The following LRFN2 variants were observed in gnomAD, a reference collection of about 807,000 sequenced individuals.
LRFN2 encodes the protein leucine-rich repeat and fibronectin type-III domain-containing protein 2.
A neutral mutation model predicts 37.3 loss-of-function variants in LRFN2; 18 were observed. That is an observed-to-expected ratio of 0.48 (90% CI 0.33 to 0.72). The LOEUF (loss-of-function observed/expected upper bound fraction) is 0.72. LRFN2 is among the 30% of genes least tolerant of loss of function. The pLI, the probability that LRFN2 is intolerant of heterozygous loss-of-function variation, is 0.02. For missense variants in LRFN2, 1,006 were observed against 1,060.7 expected (o/e 0.95, Z 0.72); for synonymous variants, 556 against 466.6 (o/e 1.19, Z -2.47).
intron 2 of LRFN2, among the ~76,000 whole-genome samples, chr6:40,407,370 C>A (rs952362292): frequency 1.3e-5 from 2 of 152,194 alleles, no homozygotes; most frequent in African/African-American, 4.8e-5. Context: ...TGCCCCCGAC[C>A]AGATGTGTGA....
intron 1 of LRFN2, among the ~76,000 whole-genome samples, chr6:40,575,753 G>C (rs1423483387): frequency 6.6e-6 from 1 of 151,726 alleles, no homozygotes; most frequent in Non-Finnish European, 1.5e-5. Flanking sequence ...GCACGTGACA[G>C]CATGCATCCT....
chr6:40,515,796 G>T (rs1227932186), intron 1 of LRFN2, among the ~76,000 whole-genome samples: 1 of 151,258 alleles, frequency 6.6e-6, no homozygotes, highest in East Asian at 1.9e-4. Flanking sequence ...GGGAGGCTGA[G>T]GCAGGGAAAT....
intron 1 of LRFN2, among the ~76,000 whole-genome samples, chr6:40,485,004 G>A (rs1198051288): frequency 3.3e-5 from 5 of 152,148 alleles, no homozygotes; most frequent in African/African-American, 1.2e-4. Context: ...CCCCAAAAAA[G>A]GATTTGAGGC....
At chr6:40,549,310 C>T (rs1419095100) in intron 1 of LRFN2, among the ~76,000 whole-genome samples, 1 of 152,096 alleles carries the variant, frequency 6.6e-6, no homozygotes, top group East Asian at 1.9e-4. Context: ...CTCTCATGCC[C>T]CTAATCTGGT....
intron 2 of LRFN2, among the ~76,000 whole-genome samples, chr6:40,401,576 C>G (rs1238217825): frequency 6.6e-6 from 1 of 152,176 alleles, no homozygotes; most frequent in Non-Finnish European, 1.5e-5. Context: ...TTATTTGCAA[C>G]AGCAGTTGCC....
At chr6:40,525,571 T>C (rs1366236859) in intron 1 of LRFN2, among the ~76,000 whole-genome samples, 1 of 152,206 alleles carries the variant, frequency 6.6e-6, no homozygotes, top group East Asian at 1.9e-4. Flanking sequence ...TAAATGTTAA[T>C]ATAAAACTGA....
intron 1 of LRFN2, among the ~76,000 whole-genome samples, chr6:40,553,339 G>T (rs1766812571): frequency 6.6e-6 from 1 of 152,170 alleles, no homozygotes; most frequent in Non-Finnish European, 1.5e-5. Flanking sequence ...AACCTACCCA[G>T]CAGAGGAAAA....
intron 1 of LRFN2, among the ~76,000 whole-genome samples, chr6:40,437,160 C>A (rs1554134886): frequency 6.6e-6 from 1 of 152,144 alleles, no homozygotes; most frequent in Non-Finnish European, 1.5e-5. Context: ...TTGTCAGGTG[C>A]CCCTGGGCCC....
At chr6:40,509,687 C>T (rs570805260) in intron 1 of LRFN2, among the ~76,000 whole-genome samples, 19 of 149,160 alleles carry the variant, frequency 1.3e-4, no homozygotes, top group Middle Eastern at 3.7e-3. Context: ...TGGGTGCATG[C>T]GTGCAGGTAT....
intron 1 of LRFN2, among the ~76,000 whole-genome samples, chr6:40,530,492 C>T (rs1481819353): frequency 1.3e-5 from 2 of 152,126 alleles, no homozygotes; most frequent in Non-Finnish European, 2.9e-5. Context: ...CCATGCTTGG[C>T]CTCTCTGCAA....
chr6:40,556,753 GCACA>G (rs1766899893), intron 1 of LRFN2, among the ~76,000 whole-genome samples: 2 of 107,132 alleles, frequency 1.9e-5, no homozygotes, highest in Admixed American at 1.9e-4. Context: ...ACACACACAC[GCACA>G]CACTCCTACT....
intron 1 of LRFN2, among the ~76,000 whole-genome samples, chr6:40,495,591 G>A (rs1032311587): frequency 2.6e-5 from 4 of 152,104 alleles, no homozygotes; most frequent in African/African-American, 9.7e-5. Context: ...CCATACAGTT[G>A]CCCTGTCTCC....
chr6:40,574,467 C>A (rs562169869), intron 1 of LRFN2, among the ~76,000 whole-genome samples: 1 of 152,088 alleles, frequency 6.6e-6, no homozygotes, highest in African/African-American at 2.4e-5. Context: ...ATAAGAAAAG[C>A]AACAGAAACA....
At position 40,432,776 on chromosome 6, in the gene LRFN2, G is replaced by T. The variant is rs1423118352; in HGVS notation, c.338C>A (p.Pro113Gln). ...RSLHLDSNRL[P>Q]SLGEDTLRGL... is the part of the protein sequence containing the mutation. Reference sequence around the variant, plus strand: ...CCGGAGGGTGTCCTCCCCAAGGCTTGGCAGCCGATTGCTGTCAAGATGCAG... The same window carrying T: ...CCGGAGGGTGTCCTCCCCAAGGCTTTGCAGCCGATTGCTGTCAAGATGCAG... The change falls in exon 2 of 3, where the codon CCA (proline) becomes CAA (glutamine). Residue 113 changes from proline to glutamine, a missense_variant. Coordinates refer to ENST00000338305, the MANE Select transcript of LRFN2 (RefSeq NM_020737.3). 1 of 1,614,208 alleles carries T rather than the reference G, an allele frequency of 6.2e-7. No individual in the cohort carries two copies. Among genetic ancestry groups the T allele is most frequent in the South Asian group, 1.1e-5 (1 of 91,086 alleles).
At chr6:40,557,822 G>A (rs1488498227) in intron 1 of LRFN2, among the ~76,000 whole-genome samples, 1 of 152,182 alleles carries the variant, frequency 6.6e-6, no homozygotes, top group East Asian at 1.9e-4. Flanking sequence ...GTTTAAGTGG[G>A]TTAATATTTA....
chr6:40,504,097 C>T (rs1765463443), intron 1 of LRFN2, among the ~76,000 whole-genome samples: 1 of 152,180 alleles, frequency 6.6e-6, no homozygotes. Flanking sequence ...GGGTAAGGGC[C>T]TCCCTCAGAA....
intron 1 of LRFN2, among the ~76,000 whole-genome samples, chr6:40,582,760 T>C (rs965400355): frequency 1.7e-5 from 2 of 118,690 alleles, no homozygotes; most frequent in Non-Finnish European, 3.7e-5. Flanking sequence ...GTAGACTGTG[T>C]CCTTACTAAA....
chr6:40,446,937 A>G (rs1372199794), intron 1 of LRFN2, among the ~76,000 whole-genome samples: 1 of 25,848 alleles, frequency 3.9e-5, no homozygotes, highest in Non-Finnish European at 1.2e-4. Context: ...CTGAGGATGG[A>G]GCTGTGTCTC....
At chr6:40,453,681 G>A (rs9367059) in intron 1 of LRFN2, among the ~76,000 whole-genome samples, 40,050 of 152,004 alleles carry the variant, frequency 0.26, 6,186 homozygotes, top group Middle Eastern at 0.41. Context: ...AGAGGGAAGC[G>A]TGATCAGGAC....
Sources: allele counts gnomAD v4.1 joint callset (sites outside exome capture counted in the v4.1 genomes callset), GRCh38; gene constraint gnomAD v4.1.1; transcripts MANE v1.5; gene names NCBI Gene and HGNC (gene_info 2026-07-23, HGNC 2026-07-21).